Variants in GPATCH2 observed in about 807,000 individuals in gnomAD.
GPATCH2 encodes G patch domain-containing protein 2.
GPATCH2 carries 51 observed loss-of-function variants against 58.0 expected under a neutral mutation model. The ratio of observed to expected loss-of-function variants is 0.88; its 90% CI spans 0.70 to 1.11. The LOEUF (loss-of-function observed/expected upper bound fraction) is 1.11. Ranked by LOEUF, GPATCH2 falls within the 50% of genes most tolerant of loss-of-function variation. The probability of loss-of-function intolerance (pLI) is 0.00; values close to 1 mark genes in which losing one functional copy is unlikely to be tolerated. For synonymous variants in GPATCH2, 222 were observed against 218.5 expected (o/e 1.02, Z -0.14); for missense variants, 625 against 652.2 (o/e 0.96, Z 0.45).
At chr1:217,466,437 C>A (rs1458396401) in intron 8 of GPATCH2, among the ~76,000 whole-genome samples, 1 of 152,072 alleles carries the variant, frequency 6.6e-6, no homozygotes, top group East Asian at 1.9e-4. Flanking sequence ...ATGGCCCAGG[C>A]AGGTCTCAAA....
intron 5 of GPATCH2, among the ~76,000 whole-genome samples, chr1:217,515,121 A>G (rs1382265560): frequency 6.8e-6 from 1 of 147,912 alleles, no homozygotes; most frequent in Non-Finnish European, 1.5e-5. Flanking sequence ...TTTTTGACAG[A>G]GTCTCTTTCT....
chr1:217,497,290 T>C (rs1156280720), intron 7 of GPATCH2, among the ~76,000 whole-genome samples: 2 of 152,116 alleles, frequency 1.3e-5, no homozygotes, highest in Non-Finnish European at 2.9e-5. Context: ...GAGGAACACA[T>C]CATAGATGTA....
At chr1:217,456,785 T>C (rs192957485) in intron 8 of GPATCH2, among the ~76,000 whole-genome samples, 9 of 152,308 alleles carry the variant, frequency 5.9e-5, no homozygotes, top group Non-Finnish European at 8.8e-5. Context: ...TAAAATATCA[T>C]TGGAATATTT....
At chr1:217,474,282 G>A (rs1558418062) in intron 8 of GPATCH2, among the ~76,000 whole-genome samples, 1 of 152,122 alleles carries the variant, frequency 6.6e-6, no homozygotes, top group East Asian at 1.9e-4. Context: ...CTCATAGAAA[G>A]GATTAAAATA....
chr1:217,574,782 G>C (rs921599342), intron 5 of GPATCH2, among the ~76,000 whole-genome samples: 1 of 152,076 alleles, frequency 6.6e-6, no homozygotes, highest in Non-Finnish European at 1.5e-5. Context: ...AATAATAAGC[G>C]ACAGGTCCAA....
At chr1:217,579,383 A>AC in intron 5 of GPATCH2, among the ~76,000 whole-genome samples, 1 of 152,160 alleles carries the variant, frequency 6.6e-6, no homozygotes, top group East Asian at 1.9e-4. Flanking sequence ...GAAAAAAAAA[A>AC]CAATAACAAA....
At chr1:217,440,252 T>C (rs1448681972) in intron 9 of GPATCH2, among the ~76,000 whole-genome samples, 1 of 152,102 alleles carries the variant, frequency 6.6e-6, no homozygotes, top group East Asian at 1.9e-4. Flanking sequence ...ACAGAACCAA[T>C]GACAAAAACC....
At position 217,575,518 on chromosome 1, in the gene GPATCH2, T is replaced by TA. The variant is rs533404747; in HGVS notation, c.1098+34802dup. ...GCTCAGATTTAAAATACAACTGATG[T>TA]AAAAAATCAATGCATCATGACATGA... On this transcript the variant is annotated intron_variant, in intron 5 of 9. Transcript: ENST00000366935. Among the ~76,000 whole-genome samples the TA allele has an allele frequency of 5.0e-3, 756 of 152,274 alleles. 6 individuals carry two copies. Among genetic ancestry groups the TA allele is most frequent in the African/African-American group, 0.017 (726 of 41,572 alleles).
At chr1:217,585,213 T>C (rs982334495) in intron 5 of GPATCH2, among the ~76,000 whole-genome samples, 1 of 152,124 alleles carries the variant, frequency 6.6e-6, no homozygotes, top group African/African-American at 2.4e-5. Context: ...ATGAGACTCA[T>C]TCATGTTAAT....
intron 5 of GPATCH2, 180 bp downstream of exon 5, chr1:217,610,141 T>C: frequency 6.4e-7 from 1 of 1,553,266 alleles, no homozygotes; most frequent in Non-Finnish European, 8.7e-7. Context: ...ACTAATTTAT[T>C]AGCATTAGAA....
At chr1:217,616,575 T>C (rs529685273) in intron 2 of GPATCH2, among the ~76,000 whole-genome samples, 8 of 152,270 alleles carry the variant, frequency 5.3e-5, no homozygotes, top group Admixed American at 5.2e-4. Context: ...TTGATTTACA[T>C]TTCACCTCAT....
intron 5 of GPATCH2, among the ~76,000 whole-genome samples, chr1:217,534,298 CT>C (rs1203238902): frequency 2.6e-5 from 4 of 152,148 alleles, no homozygotes; most frequent in Non-Finnish European, 4.4e-5. Context: ...ACAGACCACA[CT>C]TTATGCCACC....
At chr1:217,535,922 C>T (rs1664438668) in intron 5 of GPATCH2, among the ~76,000 whole-genome samples, 1 of 152,134 alleles carries the variant, frequency 6.6e-6, no homozygotes, top group Non-Finnish European at 1.5e-5. Context: ...TTTAACTTTG[C>T]CCATCCCTTT....
chr1:217,487,228 G>T (rs1203306444), intron 8 of GPATCH2, among the ~76,000 whole-genome samples: 1 of 152,026 alleles, frequency 6.6e-6, no homozygotes, highest in Non-Finnish European at 1.5e-5. Flanking sequence ...CTAAATTTCT[G>T]CTGGGTTGAT....
Position 217,449,304 on chromosome 1 carries a change from C to A in GPATCH2, c.1311G>T (p.Thr437=), listed in dbSNP as rs34341444. ...CTTTTCTTCTCCGTTTGATATCTCC[C>A]GTGCATAAGGATCCTAAATGCATGC... The part of the protein sequence containing the change: ...QTSMHLGSLC[T]GDIKRRRKAA... Residue 437 remains threonine, a synonymous_variant, in exon 9 of 10, where the codon ACG becomes ACT. Coordinates refer to ENST00000366935, the MANE Select transcript of GPATCH2 (RefSeq NM_018040.5). 2 of 1,608,396 alleles carry A rather than the reference C, an allele frequency of 1.2e-6. No homozygotes were observed. Among genetic ancestry groups the A allele is most frequent in the African/African-American group, 1.3e-5 (1 of 74,784 alleles).
intron 9 of GPATCH2, among the ~76,000 whole-genome samples, chr1:217,432,328 G>T (rs1290156209): frequency 8.5e-6 from 1 of 117,104 alleles, no homozygotes; most frequent in Non-Finnish European, 1.8e-5. Flanking sequence ...AATAGACTTT[G>T]AATTTTTTTT....
At position 217,567,979 on chromosome 1, in the gene GPATCH2, C is replaced by T. The variant is rs554978126; in HGVS notation, c.1098+42342G>A. Among the ~76,000 whole-genome samples, 83 of 152,108 alleles carry T rather than the reference C, an allele frequency of 5.5e-4. 1 individual carries two copies. In the East Asian group the frequency reaches 9.3e-3, roughly 17 times the overall value. ...AAAATACAAAAAAATTAGCCGAGCA[C>T]GGTGGCGGGCGCCTGCAGTCCTAGC... is the stretch of plus-strand genomic sequence containing the variant. On this transcript the variant is annotated intron_variant, in intron 5 of 9. Transcript: ENST00000366935.
chr1:217,474,293 G>A (rs1182987193), intron 8 of GPATCH2, among the ~76,000 whole-genome samples: 1 of 152,130 alleles, frequency 6.6e-6, no homozygotes, highest in African/African-American at 2.4e-5. Flanking sequence ...GATTAAAATA[G>A]TTAAAATGAG....
chr1:217,484,290 C>G (rs1661346586), intron 8 of GPATCH2, among the ~76,000 whole-genome samples: 1 of 152,020 alleles, frequency 6.6e-6, no homozygotes. Context: ...GTACCTCTTC[C>G]TACCTGACTA....
Sources: allele counts gnomAD v4.1 joint callset (sites outside exome capture counted in the v4.1 genomes callset), GRCh38; gene constraint gnomAD v4.1.1; transcripts MANE v1.5; gene names NCBI Gene and HGNC (gene_info 2026-07-23, HGNC 2026-07-21).